The following PARD3 variants were observed in gnomAD, a reference collection of about 807,000 sequenced individuals.
PARD3 encodes par-3 family cell polarity regulator, also known as partitioning defective 3 homolog.
Under a neutral mutation model 155.4 loss-of-function variants are expected in PARD3, and 75 were observed. The ratio of observed to expected loss-of-function variants is 0.48; its 90% CI spans 0.40 to 0.58. PARD3 has a LOEUF of 0.58. Among genes scored for constraint, PARD3 ranks in the 20% least tolerant of loss-of-function variants. The pLI, the probability that PARD3 is intolerant of heterozygous loss-of-function variation, is 0.00. For missense variants in PARD3, 1,642 were observed against 1,721.7 expected, an observed-to-expected ratio of 0.95 and a Z score of 0.82; for synonymous variants, 576 against 610.5, an observed-to-expected ratio of 0.94 and a Z score of 0.83.
chr10:34,409,013 T>C (rs1203899244), intron 5 of PARD3, among the ~76,000 whole-genome samples: 2 of 152,186 alleles, frequency 1.3e-5, no homozygotes, highest in Non-Finnish European at 2.9e-5. Context: ...CTATGAAGAA[T>C]TATTCAGCGC....
At chr10:34,549,252 G>C (rs1330762129) in intron 2 of PARD3, among the ~76,000 whole-genome samples, 1 of 152,166 alleles carries the variant, frequency 6.6e-6, no homozygotes, top group Non-Finnish European at 1.5e-5. Flanking sequence ...CCTTTAAAGA[G>C]TACCCACAGT....
At chr10:34,655,411 C>G (rs80071476) in intron 2 of PARD3, among the ~76,000 whole-genome samples, 1,796 of 152,222 alleles carry the variant, frequency 0.012, 47 homozygotes, top group African/African-American at 0.04. Flanking sequence ...CTGTGTTACT[C>G]CTGATCATAC....
At chr10:34,728,780 T>C (rs949754713) in intron 1 of PARD3, among the ~76,000 whole-genome samples, 4 of 152,242 alleles carry the variant, frequency 2.6e-5, no homozygotes, top group Non-Finnish European at 5.9e-5. Flanking sequence ...CATTAGTTTT[T>C]TAAATGGTTT....
chr10:34,285,980 A>G (rs993426202), intron 20 of PARD3, among the ~76,000 whole-genome samples: 5 of 152,222 alleles, frequency 3.3e-5, no homozygotes, highest in African/African-American at 9.6e-5. Flanking sequence ...GAAAAATAGA[A>G]AATTCTCCAG....
At chr10:34,231,425 C>G (rs1047413823) in intron 22 of PARD3, among the ~76,000 whole-genome samples, 11 of 152,092 alleles carry the variant, frequency 7.2e-5, no homozygotes, top group Admixed American at 2.0e-4. Flanking sequence ...TCAGGGCTGT[C>G]TATGGCATAT....
At chr10:34,597,425 TTTACTA>T (rs2089383676) in intron 2 of PARD3, among the ~76,000 whole-genome samples, 1 of 151,618 alleles carries the variant, frequency 6.6e-6, no homozygotes, top group South Asian at 2.1e-4. Flanking sequence ...TTTTTATTTA[TTTACTA>T]TTATTATTAT....
chr10:34,437,137 T>C (rs909319260), intron 5 of PARD3, among the ~76,000 whole-genome samples: 2 of 152,110 alleles, frequency 1.3e-5, no homozygotes, highest in Admixed American at 6.6e-5. Context: ...CTGTATCCCA[T>C]GGGAACAGGG....
rs1325178092 is a variant in PARD3 at position 34,341,528 on chromosome 10, T to C, written c.2408+99A>G. The C allele has an allele frequency of 3.4e-5, 28 of 813,672 alleles. No individual in the cohort carries two copies. In the Admixed American group the frequency reaches 5.5e-4, roughly 16 times the overall value. The allele number at this position is 813,672 out of a possible 1,614,324, so 50.4% of individuals were successfully genotyped here. A position where few individuals can be genotyped will look rare whatever the true frequency, so the allele number is the denominator to read the frequency against. On this transcript the variant is annotated intron_variant, in intron 16 of 24. Transcript: ENST00000374788. ...TATATAAAAACCATGAAGACAGAGC[T>C]ATTAAAAAAATGATTAACTGTATTT... is the stretch of plus-strand genomic sequence containing the variant.
At chr10:34,422,338 A>G (rs150772210) in intron 5 of PARD3, among the ~76,000 whole-genome samples, 1 of 152,262 alleles carries the variant, frequency 6.6e-6, no homozygotes, top group East Asian at 1.9e-4. Context: ...TATATAAAAA[A>G]CTTAGCAGGG....
chr10:34,769,414 C>A (rs1383407956), intron 1 of PARD3, among the ~76,000 whole-genome samples: 1 of 152,152 alleles, frequency 6.6e-6, no homozygotes, highest in Non-Finnish European at 1.5e-5. Flanking sequence ...ACACAGTCAG[C>A]CCTGAATTCA....
intron 3 of PARD3, among the ~76,000 whole-genome samples, chr10:34,498,366 T>A (rs546834731): frequency 5.3e-5 from 8 of 152,318 alleles, no homozygotes; most frequent in Admixed American, 3.3e-4. Flanking sequence ...GAATATAACA[T>A]TTCATTTATT....
At chr10:34,284,060 A>T in intron 21 of PARD3, 75 bp downstream of exon 21, 1 of 848,214 alleles carries the variant, frequency 1.2e-6, no homozygotes, top group Non-Finnish European at 1.9e-6. Flanking sequence ...TCTTTACATT[A>T]AAAAAGAAGA....
At chr10:34,656,788 C>T (rs1326090521) in intron 2 of PARD3, among the ~76,000 whole-genome samples, 2 of 152,176 alleles carry the variant, frequency 1.3e-5, no homozygotes, top group African/African-American at 4.8e-5. Flanking sequence ...CAGGAGAAGT[C>T]AGAAACCGAC....
At chr10:34,724,689 T>C (rs1026749646) in intron 1 of PARD3, among the ~76,000 whole-genome samples, 1 of 152,230 alleles carries the variant, frequency 6.6e-6, no homozygotes, top group African/African-American at 2.4e-5. Flanking sequence ...ACTGTTATGT[T>C]ATATTATTAA....
At chr10:34,398,397 A>G (rs574876527) in intron 7 of PARD3, among the ~76,000 whole-genome samples, 9 of 152,352 alleles carry the variant, frequency 5.9e-5, no homozygotes, top group Non-Finnish European at 2.9e-5. Flanking sequence ...AGTCACTGCT[A>G]TAAGTCTACC....
At chr10:34,267,240 T>C (rs528332301) in intron 22 of PARD3, among the ~76,000 whole-genome samples, 16 of 152,300 alleles carry the variant, frequency 1.1e-4, no homozygotes, top group African/African-American at 3.9e-4. Flanking sequence ...CTGTTTGACC[T>C]TCTATAAGCA....
At chr10:34,365,753 A>G (rs1839905244) in intron 12 of PARD3, among the ~76,000 whole-genome samples, 1 of 152,128 alleles carries the variant, frequency 6.6e-6, no homozygotes, top group Non-Finnish European at 1.5e-5. Flanking sequence ...ACACCTGGCT[A>G]ATTTTTATGT....
At chr10:34,481,770 T>C (rs1038224675) in intron 3 of PARD3, among the ~76,000 whole-genome samples, 8 of 152,116 alleles carry the variant, frequency 5.3e-5, no homozygotes, top group Middle Eastern at 3.2e-3. Context: ...GCCAAGATGT[T>C]GAGAGTCATT....
chr10:34,810,827 A>G (rs1844052815), intron 1 of PARD3, among the ~76,000 whole-genome samples: 1 of 152,148 alleles, frequency 6.6e-6, no homozygotes, highest in South Asian at 2.1e-4. Context: ...TAATACTTAC[A>G]TTAACCCTGC....
Sources: allele counts gnomAD v4.1 joint callset (sites outside exome capture counted in the v4.1 genomes callset), GRCh38; gene constraint gnomAD v4.1.1; transcripts MANE v1.5; gene names NCBI Gene and HGNC (gene_info 2026-07-23, HGNC 2026-07-21).